Variants in CSPP1 observed in about 807,000 individuals in gnomAD.
The protein encoded by CSPP1 is centrosome and spindle pole associated protein 1, also known as centrosome and spindle pole-associated protein 1.
A neutral mutation model predicts 164.4 loss-of-function variants in CSPP1; 126 were observed. That is an observed-to-expected ratio of 0.77 (90% CI 0.66 to 0.89). CSPP1 has a LOEUF of 0.89. CSPP1 is among the 40% of genes least tolerant of loss of function. The probability of loss-of-function intolerance (pLI) is 0.00; values close to 1 mark genes in which losing one functional copy is unlikely to be tolerated. For missense variants in CSPP1, 1,395 were observed against 1,449.8 expected (o/e 0.96, Z 0.61); for synonymous variants, 472 against 476.7 (o/e 0.99, Z 0.13).
intron 25 of CSPP1, chr8:67,173,619 C>T (rs1442477469): frequency 6.6e-6 from 1 of 151,730 alleles, no homozygotes; most frequent in African/African-American, 2.4e-5. Context: ...GTACCATTAT[C>T]ATTTTGGATG....
chr8:67,153,151 G>A (rs1049821268), intron 18 of CSPP1, among the ~76,000 whole-genome samples: 3 of 152,074 alleles, frequency 2.0e-5, no homozygotes, highest in Non-Finnish European at 4.4e-5. Flanking sequence ...GCAGTGAGCC[G>A]AGATCATGCC....
chr8:67,077,745 C>T (rs529522892), intron 3 of CSPP1, among the ~76,000 whole-genome samples: 4 of 152,192 alleles, frequency 2.6e-5, no homozygotes, highest in Non-Finnish European at 5.9e-5. Flanking sequence ...GCATTGTTCT[C>T]AAATGGACAG....
At chr8:67,104,444 T>G (rs1284376259) in intron 8 of CSPP1, among the ~76,000 whole-genome samples, 1 of 151,884 alleles carries the variant, frequency 6.6e-6, no homozygotes, top group Non-Finnish European at 1.5e-5. Flanking sequence ...TTTAAAAAAT[T>G]TTTTTGTAGA....
intron 27 of CSPP1, 146 bp downstream of exon 27, chr8:67,177,872 G>C (rs1371274129): frequency 2.9e-6 from 2 of 696,366 alleles, no homozygotes; most frequent in East Asian, 5.0e-5. Context: ...GATAGCTTGA[G>C]AAGTGTTAGT....
intron 9 of CSPP1, among the ~76,000 whole-genome samples, chr8:67,106,261 G>A (rs969907377): frequency 3.3e-5 from 5 of 151,068 alleles, no homozygotes; most frequent in Non-Finnish European, 5.9e-5. Context: ...TGTGCTTTCC[G>A]TAGGTGATAA....
chr8:67,080,294 A>G (rs1330689214), intron 3 of CSPP1, among the ~76,000 whole-genome samples: 2 of 152,224 alleles, frequency 1.3e-5, no homozygotes, highest in African/African-American at 4.8e-5. Flanking sequence ...GTAATCAGTG[A>G]TATATAAACT....
chr8:67,128,626 T>C (rs1013785016), intron 15 of CSPP1, among the ~76,000 whole-genome samples: 5 of 152,010 alleles, frequency 3.3e-5, no homozygotes, highest in African/African-American at 1.2e-4. Context: ...CTCCGGTTAC[T>C]ATTATGAGAC....
chr8:67,176,704 C>T (rs140589773), intron 26 of CSPP1, among the ~76,000 whole-genome samples: 147 of 152,252 alleles, frequency 9.7e-4, no homozygotes, highest in African/African-American at 3.4e-3. Context: ...CATTTTAGCA[C>T]TGAAGGTATC....
At chr8:67,173,818 A>G (rs1021375780) in intron 25 of CSPP1, 16 of 152,230 alleles carry the variant, frequency 1.1e-4, no homozygotes, top group African/African-American at 3.6e-4. Context: ...GGGTCTCATG[A>G]GGAGTTTGGT....
At chr8:67,192,560 C>T (rs1414232184) in intron 29 of CSPP1, among the ~76,000 whole-genome samples, 2 of 152,132 alleles carry the variant, frequency 1.3e-5, no homozygotes, top group Non-Finnish European at 2.9e-5. Context: ...TCCAACTCAT[C>T]ACTCTTTCTT....
At chr8:67,186,978 T>TATC (rs1834811841) in intron 28 of CSPP1, among the ~76,000 whole-genome samples, 1 of 133,658 alleles carries the variant, frequency 7.5e-6, no homozygotes, top group Non-Finnish European at 1.6e-5. Flanking sequence ...ATCATCTATC[T>TATC]ATCTATCTAT....
At chr8:67,111,920 T>A in intron 9 of CSPP1, 52 bp from the exon 10 acceptor site, 1 of 1,096,086 alleles carries the variant, frequency 9.1e-7, no homozygotes. Flanking sequence ...ACTTTCTAAT[T>A]GCATACGATG....
chr8:67,081,915 A>T (rs1809275827), intron 3 of CSPP1, among the ~76,000 whole-genome samples: 1 of 152,110 alleles, frequency 6.6e-6, no homozygotes, highest in African/African-American at 2.4e-5. Flanking sequence ...TAATTTTTAA[A>T]TTTTTTGTAG....
At chr8:67,095,882 C>A in intron 7 of CSPP1, 150 bp downstream of exon 7, 1 of 591,744 alleles carries the variant, frequency 1.7e-6, no homozygotes, top group Non-Finnish European at 2.9e-6. Flanking sequence ...TAAGATGCAT[C>A]ATTATTTTAT....
intron 24 of CSPP1, among the ~76,000 whole-genome samples, chr8:67,171,947 A>C (rs1038719854): frequency 7.2e-5 from 11 of 151,902 alleles, no homozygotes. Flanking sequence ...TCTTGGGTTC[A>C]AGTGATTCTG....
rs147072077 is a variant in CSPP1, at chr8:67,076,054, C to A, written c.100-428C>A. On this transcript the variant is annotated intron_variant, in intron 2 of 30. Transcript: ENST00000678616. ...TGCTCAGTGAGGCCTTATAGTCCCC[C>A]AGCATTTCTGGGCCTCCTTACTTTA... 7.7e-4 allele frequency among the ~76,000 whole-genome samples: 117 copies of A among 151,620 alleles called. 1 individual carries two copies. Among genetic ancestry groups the A allele is most frequent in the African/African-American group, 2.7e-3 (110 of 41,410 alleles).
rs538277568 is a variant in CSPP1, at chr8:67,122,921, C to T, written c.1697+4100C>T. 2.0e-5 allele frequency among the ~76,000 whole-genome samples: 3 copies of T among 151,694 alleles called. No individual in the cohort carries two copies. The East Asian group carries it at 5.8e-4, about 29-fold the overall frequency. ...TTGTGTGTGTGTGTGTTCTGATATACAGTCTTGCTCTGTCACCCAAGCTGG... is the reference window on the plus strand; with the variant it reads ...TTGTGTGTGTGTGTGTTCTGATATATAGTCTTGCTCTGTCACCCAAGCTGG... On this transcript the variant is annotated intron_variant, in intron 15 of 30. Transcript: ENST00000678616.
At chr8:67,125,950 A>T (rs1005279516) in intron 15 of CSPP1, among the ~76,000 whole-genome samples, 1 of 152,166 alleles carries the variant, frequency 6.6e-6, no homozygotes, top group Non-Finnish European at 1.5e-5. Flanking sequence ...GTCCTGCCTC[A>T]GCCTCCTGAG....
At chr8:67,145,673 A>G (rs1273006544) in intron 17 of CSPP1, among the ~76,000 whole-genome samples, 2 of 151,756 alleles carry the variant, frequency 1.3e-5, no homozygotes, top group African/African-American at 4.8e-5. Flanking sequence ...GACTACAGGC[A>G]CACACCACCA....
Sources: allele counts gnomAD v4.1 joint callset (sites outside exome capture counted in the v4.1 genomes callset), GRCh38; gene constraint gnomAD v4.1.1; transcripts MANE v1.5; gene names NCBI Gene and HGNC (gene_info 2026-07-23, HGNC 2026-07-21).